The following MEI4 variants were observed in gnomAD, a reference collection of about 807,000 sequenced individuals.
The protein encoded by MEI4 is meiotic double-stranded break formation protein 4.
MEI4 carries 27 observed loss-of-function variants against 31.4 expected under a neutral mutation model. The ratio of observed to expected loss-of-function variants is 0.86; its 90% CI spans 0.63 to 1.19. The LOEUF (loss-of-function observed/expected upper bound fraction) is 1.19. MEI4 is among the 50% of genes most tolerant of loss of function. MEI4 has a pLI of 0.00. For missense variants in MEI4, 329 were observed against 398.9 expected, an observed-to-expected ratio of 0.82 and a Z score of 1.49; for synonymous variants, 122 against 145.4, an observed-to-expected ratio of 0.84 and a Z score of 1.16.
intron 2 of MEI4, among the ~76,000 whole-genome samples, chr6:77,756,595 CT>C (rs1767923464): frequency 6.6e-6 from 1 of 151,358 alleles, no homozygotes; most frequent in Admixed American, 6.6e-5. Context: ...TGGTTTCTCT[CT>C]TTCTCTCCCT....
intron 2 of MEI4, among the ~76,000 whole-genome samples, chr6:77,742,584 T>G (rs1195435864): frequency 6.6e-6 from 1 of 152,202 alleles, no homozygotes; most frequent in South Asian, 2.1e-4. Flanking sequence ...CTATTCACTC[T>G]GACGTAGTTT....
chr6:77,897,918 C>T (rs1766117265), intron 4 of MEI4, among the ~76,000 whole-genome samples: 1 of 151,962 alleles, frequency 6.6e-6, no homozygotes, highest in Non-Finnish European at 1.5e-5. Context: ...AGTATAGGCC[C>T]AACACCTAGG....
At chr6:77,897,613 A>G (rs951791262) in intron 4 of MEI4, among the ~76,000 whole-genome samples, 4 of 151,990 alleles carry the variant, frequency 2.6e-5, no homozygotes, top group African/African-American at 9.7e-5. Flanking sequence ...CAAGATCCAA[A>G]ATACTAACAG....
At chr6:77,848,233 A>C (rs1770534097) in intron 4 of MEI4, among the ~76,000 whole-genome samples, 1 of 152,192 alleles carries the variant, frequency 6.6e-6, no homozygotes, top group African/African-American at 2.4e-5. Context: ...TTTGAGTGTG[A>C]AAGTTGGGAG....
intron 4 of MEI4, among the ~76,000 whole-genome samples, chr6:77,913,306 C>T (rs951677423): frequency 2.0e-5 from 3 of 152,014 alleles, no homozygotes; most frequent in South Asian, 4.1e-4. Context: ...TCTCTTAGAA[C>T]GAATTAGGGA....
intron 4 of MEI4, among the ~76,000 whole-genome samples, chr6:77,918,350 A>G (rs1430535041): frequency 1.8e-4 from 25 of 137,942 alleles, no homozygotes; most frequent in Admixed American, 3.7e-4. Context: ...TCTGTAAATT[A>G]CCTTGGGCAG....
intron 4 of MEI4, among the ~76,000 whole-genome samples, chr6:77,903,019 T>C (rs1370435890): frequency 6.6e-6 from 1 of 152,144 alleles, no homozygotes; most frequent in East Asian, 1.9e-4. Context: ...ACCTTCCACT[T>C]TACTTATTTA....
At chr6:77,821,753 G>A (rs1020721948) in intron 3 of MEI4, among the ~76,000 whole-genome samples, 21 of 138,508 alleles carry the variant, frequency 1.5e-4, no homozygotes, top group Non-Finnish European at 2.9e-4. Flanking sequence ...CTGAGATCGC[G>A]CCATTGCACT....
At chr6:77,776,034 AT>A (rs986663972) in intron 3 of MEI4, among the ~76,000 whole-genome samples, 7 of 148,692 alleles carry the variant, frequency 4.7e-5, no homozygotes, top group Admixed American at 6.7e-5. Context: ...TTTTGATGGG[AT>A]TTTTTTTTCT....
intron 3 of MEI4, among the ~76,000 whole-genome samples, chr6:77,770,923 A>T (rs1470742838): frequency 6.6e-6 from 1 of 152,122 alleles, no homozygotes; most frequent in African/African-American, 2.4e-5. Context: ...GCAGCAAAAG[A>T]AAAAATTGAC....
chr6:77,782,286 T>C (rs1768613551), intron 3 of MEI4, among the ~76,000 whole-genome samples: 1 of 152,120 alleles, frequency 6.6e-6, no homozygotes, highest in Non-Finnish European at 1.5e-5. Flanking sequence ...GAATCTTCAT[T>C]ATCAGCCTAT....
At chr6:77,758,155 CAAAAAAAA>C (rs58249702) in intron 2 of MEI4, among the ~76,000 whole-genome samples, 3 of 115,846 alleles carry the variant, frequency 2.6e-5, no homozygotes, top group African/African-American at 9.8e-5. Flanking sequence ...CTCCATCTCA[CAAAAAAAA>C]AAAAAAAAAA....
At chr6:77,744,407 G>A (rs760297279) in intron 2 of MEI4, among the ~76,000 whole-genome samples, 5 of 152,112 alleles carry the variant, frequency 3.3e-5, no homozygotes, top group African/African-American at 4.8e-5. Flanking sequence ...AGCGACAAGA[G>A]AAGTTTAGAG....
intron 2 of MEI4, among the ~76,000 whole-genome samples, chr6:77,753,074 T>C (rs950259284): frequency 6.6e-6 from 1 of 152,204 alleles, no homozygotes; most frequent in Non-Finnish European, 1.5e-5. Context: ...ACTGGATCTC[T>C]TCCTTACAAC....
At chr6:77,821,972 A>G (rs9359294) in intron 3 of MEI4, among the ~76,000 whole-genome samples, 43,500 of 151,898 alleles carry the variant, frequency 0.29, 6,382 homozygotes, top group East Asian at 0.48. Context: ...CCAAAGTCTT[A>G]TTTGAAAATT....
chr6:77,699,164 T>G (rs1308520118), intron 2 of MEI4, among the ~76,000 whole-genome samples: 1 of 151,154 alleles, frequency 6.6e-6, no homozygotes, highest in Non-Finnish European at 1.5e-5. Flanking sequence ...TAGTTATCCA[T>G]TCGTCTAATT....
intron 3 of MEI4, among the ~76,000 whole-genome samples, chr6:77,810,178 G>A (rs1261504716): frequency 6.6e-6 from 1 of 152,144 alleles, no homozygotes; most frequent in African/African-American, 2.4e-5. Flanking sequence ...CAGGTGAGAA[G>A]AGACATGACA....
chr6:77,919,275 G>T (rs1314481873), intron 4 of MEI4, among the ~76,000 whole-genome samples: 1 of 151,938 alleles, frequency 6.6e-6, no homozygotes, highest in Non-Finnish European at 1.5e-5. Context: ...ATATGTAAAA[G>T]AACAGAGATT....
chr6:77,846,376 T>C (rs1172921991), intron 4 of MEI4, among the ~76,000 whole-genome samples: 1 of 152,192 alleles, frequency 6.6e-6, no homozygotes, highest in African/African-American at 2.4e-5. Context: ...CAGCTTTTTA[T>C]AATGGACATG....
Sources: gnomAD v4.1 joint callset for allele counts (sites outside exome capture counted in the v4.1 genomes callset) on GRCh38, gnomAD v4.1.1 for gene constraint, MANE v1.5 for transcripts, NCBI Gene and HGNC (gene_info 2026-07-23, HGNC 2026-07-21) for gene names.